ASXL1: variants seen among roughly 807,000 people sequenced by gnomAD.
ASXL1 encodes ASXL transcriptional regulator 1, also known as polycomb group protein ASXL1.
In ASXL1, 65 loss-of-function variants were observed where a neutral mutation model predicts 89.1. The ratio of observed to expected loss-of-function variants is 0.73; its 90% CI spans 0.60 to 0.90. The LOEUF (loss-of-function observed/expected upper bound fraction) is 0.90. Ranked by LOEUF, ASXL1 falls within the 40% of genes least tolerant of loss-of-function variation. The pLI is 0.00. For missense variants in ASXL1, 1,786 were observed against 1,942.9 expected (o/e 0.92, Z 1.52); for synonymous variants, 739 against 746.9 (o/e 0.99, Z 0.17).
intron 2 of ASXL1, 125 bp from the exon 3 acceptor site, chr20:32,367,602 C>A: frequency 1.4e-6 from 1 of 730,266 alleles, no homozygotes; most frequent in Non-Finnish European, 2.5e-6. Context: ...AGATTGTCTA[C>A]ATCACATTTA....
intron 10 of ASXL1, 116 bp from the exon 11 acceptor site, chr20:32,432,764 A>T: frequency 7.9e-7 from 1 of 1,270,230 alleles, no homozygotes; most frequent in Non-Finnish European, 1.1e-6. Context: ...TAAGAGCATG[A>T]TGTGAGAGAG....
chr20:32,376,822 TTATATATTA>T (rs2048387226), intron 4 of ASXL1, among the ~76,000 whole-genome samples: 1 of 71,574 alleles, frequency 1.4e-5, no homozygotes, highest in Non-Finnish European at 4.0e-5. Flanking sequence ...ATTTTATATA[TTATATATTA>T]TATAAATATC....
intron 10 of ASXL1, chr20:32,432,488 G>A (rs756929517): frequency 5.9e-5 from 16 of 270,854 alleles, no homozygotes; most frequent in Non-Finnish European, 1.0e-4. Flanking sequence ...AACAATTTAG[G>A]CACAGTGAAC....
Position 32,436,345 on chromosome 20 carries a change from C to T in ASXL1, c.3633C>T (p.Asp1211=), listed in dbSNP as rs775841882. ...QKNCKAVPSF[D]SLHPVTNPIT... is the part of the protein sequence containing the mutation. ...ATTGCAAGGCAGTCCCAAGTTTTGA[C>T]TCCCTCCATCCAGTGACAAATCCCA... Residue 1211 remains aspartate, a synonymous_variant, in exon 13 of 13, where the codon GAC becomes GAT. Coordinates refer to ENST00000375687, the MANE Select transcript of ASXL1 (RefSeq NM_015338.6). The T allele has an allele frequency of 4.3e-6, 7 of 1,613,904 alleles. No homozygotes were observed. In the South Asian group the frequency reaches 7.7e-5, roughly 18 times the overall value.
At position 32,437,545 on chromosome 20, in the gene ASXL1, G is replaced by C; in HGVS notation, c.*207G>C. The C allele has an allele frequency of 7.8e-6, 6 of 767,472 alleles. No homozygotes were observed. The highest frequency in any genetic ancestry group is 1.2e-5 in the Non-Finnish European group (6 of 487,886). 47.5% of individuals were successfully genotyped at this position (767,472 alleles called of 1,614,324 possible). ...AGGGGTTTCCTGGGTATAACCCATT[G>C]GGCTGCCCAAGGCCAGCCAGCCTGA... On this transcript the variant is annotated 3_prime_UTR_variant, in exon 13 of 13. Coordinates refer to ENST00000375687, the MANE Select transcript of ASXL1 (RefSeq NM_015338.6).
chr20:32,394,249 G>A (rs944539395), intron 4 of ASXL1, among the ~76,000 whole-genome samples: 4 of 151,938 alleles, frequency 2.6e-5, no homozygotes, highest in African/African-American at 9.7e-5. Context: ...TGATCTGCCC[G>A]CCTTGGCCTC....
At chr20:32,372,177 C>T (rs1163813628) in intron 4 of ASXL1, 6 of 1,348,068 alleles carry the variant, frequency 4.5e-6, no homozygotes, top group Non-Finnish European at 5.9e-6. Context: ...TGAGCCACTG[C>T]ACCAGGCCCC....
intron 4 of ASXL1, among the ~76,000 whole-genome samples, chr20:32,422,818 C>A (rs1321394338): frequency 6.6e-6 from 1 of 151,906 alleles, no homozygotes; most frequent in East Asian, 1.9e-4. Context: ...AACTCCTGAC[C>A]TTGTGATCCA....
chr20:32,432,775 C>A, intron 10 of ASXL1, 105 bp from the exon 11 acceptor site: 1 of 1,362,678 alleles, frequency 7.3e-7, no homozygotes, highest in Non-Finnish European at 1.0e-6. Flanking sequence ...TGTGAGAGAG[C>A]CTTTAGAAGA....
At chr20:32,373,815 C>G (rs2048337178) in intron 4 of ASXL1, among the ~76,000 whole-genome samples, 1 of 151,932 alleles carries the variant, frequency 6.6e-6, no homozygotes, top group East Asian at 1.9e-4. Context: ...TTGCAGTGAG[C>G]CAAGATTGCA....
At chr20:32,374,079 C>G (rs759221530) in intron 4 of ASXL1, among the ~76,000 whole-genome samples, 95 of 152,152 alleles carry the variant, frequency 6.2e-4, no homozygotes, top group Non-Finnish European at 1.0e-3. Flanking sequence ...GTGGTACAAT[C>G]ATGGCTCACT....
chr20:32,364,303 CT>C (rs199532543), intron 1 of ASXL1, among the ~76,000 whole-genome samples: 2,859 of 152,260 alleles, frequency 0.019, 85 homozygotes, highest in Admixed American at 0.084. Flanking sequence ...GCAGCTTCCA[CT>C]TCCTGGGCTC....
chr20:32,363,671 C>T (rs1475473863), intron 1 of ASXL1, among the ~76,000 whole-genome samples: 3 of 152,164 alleles, frequency 2.0e-5, no homozygotes, highest in Non-Finnish European at 2.9e-5. Flanking sequence ...TTTACCTCTG[C>T]CTGGCAGAGA....
chr20:32,419,283 A>G (rs2123150819), intron 4 of ASXL1, among the ~76,000 whole-genome samples: 1 of 152,202 alleles, frequency 6.6e-6, no homozygotes, highest in South Asian at 2.1e-4. Context: ...GCTCGCTGCA[A>G]CCTGAAACTC....
chr20:32,385,888 T>A (rs2048571437), intron 4 of ASXL1, among the ~76,000 whole-genome samples: 1 of 152,246 alleles, frequency 6.6e-6, no homozygotes. Context: ...ACTGCCCTTC[T>A]TTCAGTAATT....
chr20:32,436,071 A>T lies in ASXL1; in HGVS notation c.3359A>T (p.Lys1120Met), dbSNP rs778883995. Reference sequence around the variant, plus strand: ...CTGCAGGGTAGCTTGCCCCTAGAGAAGGTTCTTCCACCAGCCCACGATGAC... The same window carrying T: ...CTGCAGGGTAGCTTGCCCCTAGAGATGGTTCTTCCACCAGCCCACGATGAC... ...QLLQGSLPLE[K>M]VLPPAHDDSM... Residue 1120 changes from lysine to methionine, a missense_variant, in exon 13 of 13, where the codon AAG becomes ATG. Physicochemically the swap from Lys to Met is moderately conservative, Grantham distance 95. This residue lies in a region of ASXL1 where 1,418 missense variants were observed against 1,427.8 expected (regional missense o/e 0.99). Transcript: ENST00000375687. The T allele has an allele frequency of 1.2e-5, 19 of 1,614,050 alleles. No individual in the cohort carries two copies. Among genetic ancestry groups the T allele is most frequent in the Admixed American group, 1.0e-4 (6 of 59,996 alleles).
intron 4 of ASXL1, among the ~76,000 whole-genome samples, chr20:32,383,282 A>G (rs1420693738): frequency 2.7e-5 from 4 of 150,680 alleles, no homozygotes; most frequent in African/African-American, 7.3e-5. Context: ...TCTCCATTAT[A>G]TTGGCATTTA....
chr20:32,376,795 C>T (rs1474101886), intron 4 of ASXL1, among the ~76,000 whole-genome samples: 2 of 123,444 alleles, frequency 1.6e-5, no homozygotes, highest in African/African-American at 6.0e-5. Context: ...ATATATCTAT[C>T]ATGATATATA....
rs1356198485 is a variant in ASXL1, at chr20:32,368,882, A to G, written c.144-133A>G. 1.2e-5 allele frequency: 8 copies of G among 663,994 alleles called. No homozygotes were observed. In the East Asian group the frequency reaches 1.9e-4, roughly 16 times the overall value. 41.1% of individuals were successfully genotyped at this position (663,994 alleles called of 1,614,324 possible). A position where few individuals can be genotyped will look rare whatever the true frequency, so the allele number is the denominator to read the frequency against. On this transcript the variant is annotated intron_variant, in intron 3 of 12. Coordinates refer to ENST00000375687, the MANE Select transcript of ASXL1 (RefSeq NM_015338.6). ...TTATTCTTTTACTATTTTCACAGTGAAATTGTCATGAGATTTTTTCTTCTG... is the reference window on the plus strand; with the variant it reads ...TTATTCTTTTACTATTTTCACAGTGGAATTGTCATGAGATTTTTTCTTCTG...
Sources: gnomAD v4.1 joint callset for allele counts (sites outside exome capture counted in the v4.1 genomes callset) on GRCh38, gnomAD v4.1.1 for gene constraint, gnomAD v4.1.1 regional missense constraint, MANE v1.5 for transcripts, NCBI Gene and HGNC (gene_info 2026-07-23, HGNC 2026-07-21) for gene names.